PAPPA2: variants seen among roughly 807,000 people sequenced by gnomAD.
PAPPA2 encodes the protein pappalysin-2.
PAPPA2 carries 86 observed loss-of-function variants against 176.4 expected under a neutral mutation model. The ratio of observed to expected loss-of-function variants is 0.49; its 90% CI spans 0.41 to 0.58. The LOEUF is 0.58. Among genes scored for constraint, PAPPA2 ranks in the 20% least tolerant of loss-of-function variants. The probability of loss-of-function intolerance (pLI) is 0.00; values close to 1 mark genes in which losing one functional copy is unlikely to be tolerated. For missense variants in PAPPA2, 2,073 were observed against 2,256.9 expected (o/e 0.92, Z 1.65); for synonymous variants, 809 against 852.2 (o/e 0.95, Z 0.88).
intron 3 of PAPPA2, among the ~76,000 whole-genome samples, chr1:176,609,124 G>T (rs778395095): frequency 6.6e-6 from 1 of 152,178 alleles, no homozygotes. Context: ...GGTTGTAAAT[G>T]GTTAGGAAAA....
chr1:176,546,580 C>A (rs1223345668), intron 1 of PAPPA2, among the ~76,000 whole-genome samples: 2 of 152,146 alleles, frequency 1.3e-5, no homozygotes, highest in Non-Finnish European at 2.9e-5. Flanking sequence ...TGAATTTACA[C>A]ATGAAACATT....
intron 2 of PAPPA2, among the ~76,000 whole-genome samples, chr1:176,579,687 G>C (rs1485473208): frequency 6.6e-6 from 1 of 152,180 alleles, no homozygotes; most frequent in Admixed American, 6.5e-5. Context: ...AAATGTTTTA[G>C]TGTAGTAGAA....
At chr1:176,762,022 A>G (rs191968991) in intron 14 of PAPPA2, among the ~76,000 whole-genome samples, 26 of 152,316 alleles carry the variant, frequency 1.7e-4, no homozygotes, top group Middle Eastern at 6.8e-3. Context: ...TCAGAGAAGC[A>G]GTGTTTGTAG....
chr1:176,699,985 A>G (rs1029087740), intron 8 of PAPPA2, among the ~76,000 whole-genome samples: 14 of 152,296 alleles, frequency 9.2e-5, no homozygotes, highest in African/African-American at 3.4e-4. Context: ...CAATTCTTCT[A>G]TTGCTATGCA....
chr1:176,734,711 A>G (rs1344555367), intron 12 of PAPPA2, among the ~76,000 whole-genome samples: 1 of 152,142 alleles, frequency 6.6e-6, no homozygotes, highest in Non-Finnish European at 1.5e-5. Flanking sequence ...AAGTCCACAC[A>G]GATAGCAATA....
At chr1:176,493,604 G>C (rs1647419755) in intron 1 of PAPPA2, among the ~76,000 whole-genome samples, 1 of 152,166 alleles carries the variant, frequency 6.6e-6, no homozygotes, top group Non-Finnish European at 1.5e-5. Flanking sequence ...TTGCAGGCAG[G>C]AAGATACCAC....
chr1:176,815,318 A>T (rs571084100), intron 21 of PAPPA2, among the ~76,000 whole-genome samples: 1 of 152,278 alleles, frequency 6.6e-6, no homozygotes, highest in Non-Finnish European at 1.5e-5. Context: ...ATTTTAAAAA[A>T]TTAATTTTAA....
chr1:176,466,271 G>A (rs1651615613), intron 1 of PAPPA2, among the ~76,000 whole-genome samples: 2 of 152,194 alleles, frequency 1.3e-5, no homozygotes, highest in Admixed American at 1.3e-4. Flanking sequence ...CATCGGCCAA[G>A]CTACTGTGGA....
At chr1:176,670,529 G>T (rs757342110) in intron 3 of PAPPA2, among the ~76,000 whole-genome samples, 3 of 152,018 alleles carry the variant, frequency 2.0e-5, no homozygotes, top group African/African-American at 4.8e-5. Flanking sequence ...CTTGAAGTAG[G>T]CATATACTGG....
chr1:176,691,067 T>C (rs952916991), intron 5 of PAPPA2: 9 of 985,328 alleles, frequency 9.1e-6, no homozygotes, highest in African/African-American at 1.7e-5. Context: ...ATCTGGTCTT[T>C]CTTGCCTTAA....
At position 176,843,097 on chromosome 1, in the gene PAPPA2, A is replaced by ATGTT. The variant is rs1388348995; in HGVS notation, c.*644_*647dup. 4 of 152,056 alleles carry ATGTT rather than the reference A, an allele frequency of 2.6e-5. No individual in the cohort carries two copies. Among genetic ancestry groups the ATGTT allele is most frequent in the Non-Finnish European group, 5.9e-5 (4 of 68,012 alleles). The allele number at this position is 152,056 out of a possible 1,614,324, so 9.4% of individuals were successfully genotyped here. ...GCTGTGAAGTTCACATTCAAGATGAATGTTGAGACTTTGAGGACAGAAAGG... is the reference window on the plus strand; with the variant it reads ...GCTGTGAAGTTCACATTCAAGATGAATGTTTGTTGAGACTTTGAGGACAGAAAGG... On this transcript the variant is annotated 3_prime_UTR_variant, in exon 23 of 23. Transcript: ENST00000367662.
chr1:176,696,515 T>A (rs547685378), intron 7 of PAPPA2, among the ~76,000 whole-genome samples: 1 of 152,246 alleles, frequency 6.6e-6, no homozygotes, highest in South Asian at 2.1e-4. Flanking sequence ...TTTCTGTACC[T>A]CCCCTAACTT....
At chr1:176,540,351 C>T (rs550333623) in intron 1 of PAPPA2, among the ~76,000 whole-genome samples, 1 of 152,274 alleles carries the variant, frequency 6.6e-6, no homozygotes, top group Non-Finnish European at 1.5e-5. Context: ...TGTTTAAGAC[C>T]CTGCTCAAAA....
chr1:176,554,972 A>AGTGTGTGTGTGTGTGT (rs561289002), intron 1 of PAPPA2, among the ~76,000 whole-genome samples: 1 of 140,816 alleles, frequency 7.1e-6, no homozygotes, highest in Non-Finnish European at 1.5e-5. Context: ...GTTCACAGTA[A>AGTGTGTGTGTGTGTGT]GTGTGTGTGT....
At chr1:176,823,567 A>G (rs917053488) in intron 21 of PAPPA2, among the ~76,000 whole-genome samples, 4 of 152,196 alleles carry the variant, frequency 2.6e-5, no homozygotes, top group Non-Finnish European at 5.9e-5. Context: ...TCTCACTTAC[A>G]TTAAGTCTGG....
At chr1:176,533,944 G>T (rs887446502) in intron 1 of PAPPA2, among the ~76,000 whole-genome samples, 1 of 152,128 alleles carries the variant, frequency 6.6e-6, no homozygotes, top group Non-Finnish European at 1.5e-5. Context: ...ACCAGATTTT[G>T]CAGACTTAGC....
intron 3 of PAPPA2, among the ~76,000 whole-genome samples, chr1:176,607,571 C>T (rs1264969831): frequency 6.6e-6 from 1 of 152,152 alleles, no homozygotes; most frequent in Non-Finnish European, 1.5e-5. Context: ...ATTATTCCAT[C>T]GTGTATATAT....
chr1:176,698,558 C>T (rs1300323117), intron 7 of PAPPA2, among the ~76,000 whole-genome samples: 3 of 152,138 alleles, frequency 2.0e-5, no homozygotes, highest in Non-Finnish European at 2.9e-5. Context: ...CAGTTACCTA[C>T]CTGCTTACAC....
At chr1:176,629,946 C>G (rs1656250320) in intron 3 of PAPPA2, among the ~76,000 whole-genome samples, 1 of 151,982 alleles carries the variant, frequency 6.6e-6, no homozygotes, top group Non-Finnish European at 1.5e-5. Flanking sequence ...GTAATCCCAG[C>G]TACTCTGGAG....
Sources: gnomAD v4.1 joint callset for allele counts (sites outside exome capture counted in the v4.1 genomes callset) on GRCh38, gnomAD v4.1.1 for gene constraint, MANE v1.5 for transcripts, NCBI Gene and HGNC (gene_info 2026-07-23, HGNC 2026-07-21) for gene names.